Variants in ZFAT observed in about 807,000 individuals in gnomAD.
ZFAT encodes the protein zinc finger and AT-hook domain containing, also known as zinc finger protein ZFAT.
ZFAT carries 64 observed loss-of-function variants against 117.7 expected under a neutral mutation model. The observed-to-expected ratio is 0.54, with a 90% CI of 0.44 to 0.67. The LOEUF (loss-of-function observed/expected upper bound fraction) is 0.67, where lower values mean the gene tolerates loss of function less well. ZFAT is among the 30% of genes least tolerant of loss of function. The probability of loss-of-function intolerance (pLI) is 0.00; values close to 1 mark genes in which losing one functional copy is unlikely to be tolerated. For missense variants in ZFAT, 1,433 were observed against 1,584.5 expected, an observed-to-expected ratio of 0.90 and a Z score of 1.62; for synonymous variants, 679 against 615.0, an observed-to-expected ratio of 1.10 and a Z score of -1.54.
rs545851666 is a variant in ZFAT, at chr8:134,494,892, G to A, written c.3492+14727C>T. 7.9e-5 allele frequency among the ~76,000 whole-genome samples: 12 copies of A among 152,296 alleles called. 1 individual carries two copies. The South Asian group carries it at 1.2e-3, about 16-fold the overall frequency. ...AAGCTTTGACATTCACCCTACTGGT[G>A]TTGACATGACAGTCTCCGATCTTAT... is the stretch of plus-strand genomic sequence containing the variant. On this transcript the variant is annotated intron_variant, in intron 15 of 15. Transcript: ENST00000377838.
the ZFAT span, among the ~76,000 whole-genome samples, chr8:134,719,859 A>G: frequency 6.6e-6 from 1 of 152,216 alleles, no homozygotes; most frequent in Non-Finnish European, 1.5e-5. Context: ...GGAAAGGCCA[A>G]CAGAAAGGAG....
chr8:134,635,607 G>C (rs1239515614), intron 3 of ZFAT, among the ~76,000 whole-genome samples: 2 of 151,104 alleles, frequency 1.3e-5, no homozygotes, highest in Non-Finnish European at 2.9e-5. Flanking sequence ...ATGTGAGACA[G>C]AAAGAGAGAC....
chr8:134,542,017 C>T (rs1378011157), intron 11 of ZFAT, among the ~76,000 whole-genome samples: 1 of 152,218 alleles, frequency 6.6e-6, no homozygotes, highest in Non-Finnish European at 1.5e-5. Context: ...ACCTTGAAGG[C>T]CAGGCCAGCT....
At chr8:134,510,620 C>T (rs1819756292) in intron 14 of ZFAT, 1 of 161,964 alleles carries the variant, frequency 6.2e-6, no homozygotes, top group African/African-American at 2.4e-5. Flanking sequence ...CCCCCAAACA[C>T]ATGCCCCTTA....
chr8:134,583,677 G>T (rs149314689), intron 10 of ZFAT, among the ~76,000 whole-genome samples, 155 bp downstream of exon 10: 3 of 152,214 alleles, frequency 2.0e-5, no homozygotes, highest in African/African-American at 7.2e-5. Context: ...GGAATGGGAG[G>T]AAGTCAGGCC....
At chr8:134,764,116 T>A in the ZFAT span, among the ~76,000 whole-genome samples, 1 of 152,222 alleles carries the variant, frequency 6.6e-6, no homozygotes, top group Non-Finnish European at 1.5e-5. Flanking sequence ...GTTATAATAT[T>A]TGTTGTCTGC....
chr8:134,519,658 G>T (rs763383986), intron 13 of ZFAT, among the ~76,000 whole-genome samples: 2 of 152,054 alleles, frequency 1.3e-5, no homozygotes, highest in Non-Finnish European at 2.9e-5. Context: ...TTTCCTTCCA[G>T]TTCTAGGTCT....
At chr8:134,817,436 C>CACACACACACACACA in the ZFAT span, among the ~76,000 whole-genome samples, 3 of 126,926 alleles carry the variant, frequency 2.4e-5, no homozygotes, top group African/African-American at 9.8e-5. Context: ...CACACACACA[C>CACACACACACACACA]AACGCACCCT....
At chr8:134,527,057 T>C (rs906400155) in intron 12 of ZFAT, among the ~76,000 whole-genome samples, 3 of 148,422 alleles carry the variant, frequency 2.0e-5, no homozygotes, top group Admixed American at 1.3e-4. Flanking sequence ...GTGGGCCTAA[T>C]GCTATCACAG....
At chr8:134,823,101 TG>T in the ZFAT span, among the ~76,000 whole-genome samples, 1 of 152,200 alleles carries the variant, frequency 6.6e-6, no homozygotes, top group African/African-American at 2.4e-5. Context: ...TACCAACACC[TG>T]GTCATGGGAA....
At chr8:134,487,055 C>T in intron 15 of ZFAT, among the ~76,000 whole-genome samples, 1 of 152,174 alleles carries the variant, frequency 6.6e-6, no homozygotes, top group South Asian at 2.1e-4. Context: ...CGTGGATATC[C>T]ATGCTTATGT....
At chr8:134,806,478 T>C in the ZFAT span, among the ~76,000 whole-genome samples, 1 of 152,186 alleles carries the variant, frequency 6.6e-6, no homozygotes, top group Admixed American at 6.5e-5. Context: ...ACTGAAACTT[T>C]CCAGATTTAA....
intron 1 of ZFAT, among the ~76,000 whole-genome samples, chr8:134,659,630 C>T (rs550355948): frequency 3.9e-5 from 6 of 152,168 alleles, no homozygotes; most frequent in Non-Finnish European, 8.8e-5. Flanking sequence ...ATCAATTCTT[C>T]CCTCTGTACT....
intron 5 of ZFAT, among the ~76,000 whole-genome samples, chr8:134,604,714 A>T (rs1397218302): frequency 6.6e-6 from 1 of 152,254 alleles, no homozygotes; most frequent in South Asian, 2.1e-4. Context: ...TTGTCTTTAA[A>T]TTTAAAATAT....
At chr8:134,567,863 T>C (rs780408806) in intron 10 of ZFAT, among the ~76,000 whole-genome samples, 1 of 152,230 alleles carries the variant, frequency 6.6e-6, no homozygotes, top group Non-Finnish European at 1.5e-5. Context: ...CATCTGGTCA[T>C]TCTTCCTGTT....
the ZFAT span, among the ~76,000 whole-genome samples, chr8:134,770,225 C>A: frequency 2.0e-5 from 3 of 152,142 alleles, no homozygotes; most frequent in Non-Finnish European, 2.9e-5. Flanking sequence ...TGCAAATTTT[C>A]CAAACTTTTA....
In ZFAT at chr8:134,520,910, C is replaced by T. The variant is rs771452796; in HGVS notation, c.3207G>A (p.Val1069=). ...CCCACTTGGGGTCTCCATCAATTTC[C>T]ACCACCTTCAAGCCATGTTTGTTCT... ...HLKNKHGLKV[V]EIDGDPKWET... The change falls in exon 13 of 16, where the codon GTG becomes GTA. Residue 1069 remains valine (V), a synonymous_variant. Transcript: ENST00000377838. 3.1e-5 allele frequency: 50 copies of T among 1,613,736 alleles called. No individual in the cohort carries two copies. Among genetic ancestry groups the T allele is most frequent in the Non-Finnish European group, 3.6e-5 (43 of 1,179,822 alleles).
chr8:134,673,958 A>G (rs2131272975), intron 1 of ZFAT, among the ~76,000 whole-genome samples: 1 of 152,326 alleles, frequency 6.6e-6, no homozygotes, highest in South Asian at 2.1e-4. Flanking sequence ...CTAAAAATAG[A>G]AAAAACTGAG....
rs1446880148 is a variant in ZFAT at position 134,602,569 on chromosome 8, CCTT to C, written c.1147_1149del (p.Lys383del). The C allele has an allele frequency of 6.2e-7, 1 of 1,613,980 alleles. No homozygotes were observed. The highest frequency in any genetic ancestry group is 1.3e-5 in the African/African-American group (1 of 74,930). On this transcript the variant is annotated inframe_deletion, in exon 6 of 16. Transcript: ENST00000377838. ...CAGAGCTCGTCCAAGGCCTCTTTGA[CCTT>C]CTTGTCCTGTGGGTCATGCGCGTCT...
Sources: allele counts gnomAD v4.1 joint callset (sites outside exome capture counted in the v4.1 genomes callset), GRCh38; gene constraint gnomAD v4.1.1; transcripts MANE v1.5; gene names NCBI Gene and HGNC (gene_info 2026-07-23, HGNC 2026-07-21).